Variants in MAGI2 observed in about 807,000 individuals in gnomAD.
MAGI2 encodes membrane associated guanylate kinase, WW and PDZ domain containing 2.
In MAGI2, 35 loss-of-function variants were observed where a neutral mutation model predicts 133.3. That is an observed-to-expected ratio of 0.26 (90% CI 0.20 to 0.35). The LOEUF is 0.35. Ranked by LOEUF, MAGI2 falls within the 10% of genes least tolerant of loss-of-function variation. MAGI2 has a pLI of 1.00. For missense variants in MAGI2, 1,636 were observed against 1,863.4 expected (o/e 0.88, Z 2.25); for synonymous variants, 729 against 710.6 (o/e 1.03, Z -0.41).
At chr7:79,167,954 T>C (rs561641769) in intron 1 of MAGI2, among the ~76,000 whole-genome samples, 1 of 152,208 alleles carries the variant, frequency 6.6e-6, no homozygotes, top group South Asian at 2.1e-4. Context: ...TTAAAGGCGT[T>C]CTTAAACCAC....
rs139314804 is a variant in MAGI2 at position 78,504,659 on chromosome 7, T to A, written c.755-2872A>T. ...AAAATACAAATACACAGACTTTGAG[T>A]TATCTTACTTTGAGAACATATCCTC... On this transcript the variant is annotated intron_variant, in intron 4 of 21. Coordinates refer to ENST00000354212, the MANE Select transcript of MAGI2 (RefSeq NM_012301.4). 1.5e-3 allele frequency among the ~76,000 whole-genome samples: 223 copies of A among 152,230 alleles called. 1 individual carries two copies. Among genetic ancestry groups the A allele is most frequent in the African/African-American group, 5.0e-3 (208 of 41,552 alleles).
intron 2 of MAGI2, among the ~76,000 whole-genome samples, chr7:78,937,334 AC>A (rs796951291): frequency 2.1e-4 from 32 of 152,298 alleles, no homozygotes; most frequent in African/African-American, 7.7e-4. Context: ...AAATCAAGAC[AC>A]CTATTCCTTT....
intron 1 of MAGI2, among the ~76,000 whole-genome samples, chr7:79,304,232 T>TGTGTGTGTGC (rs1186248786): frequency 1.3e-5 from 2 of 150,760 alleles, no homozygotes; most frequent in East Asian, 3.9e-4. Flanking sequence ...TGTGTGTGTG[T>TGTGTGTGTGC]AGATTTCTAG....
At chr7:78,659,424 C>CAAAAAAAAAAAAAA (rs71085553) in intron 2 of MAGI2, among the ~76,000 whole-genome samples, 1 of 23,676 alleles carries the variant, frequency 4.2e-5, no homozygotes, top group Non-Finnish European at 7.0e-5. Context: ...GACTTCATCT[C>CAAAAAAAAAAAAAA]AAAAAAAAAA....
At chr7:79,376,456 G>A (rs1274748261) in intron 1 of MAGI2, among the ~76,000 whole-genome samples, 2 of 151,878 alleles carry the variant, frequency 1.3e-5, no homozygotes, top group African/African-American at 2.4e-5. Flanking sequence ...TTACAACATA[G>A]CATTAGGCTT....
intron 10 of MAGI2, among the ~76,000 whole-genome samples, chr7:78,205,011 A>AACAG (rs1829602847): frequency 6.6e-6 from 1 of 152,270 alleles, no homozygotes; most frequent in Non-Finnish European, 1.5e-5. Context: ...TGGGCAGAGA[A>AACAG]ACAGACACAC....
intron 1 of MAGI2, among the ~76,000 whole-genome samples, chr7:79,390,364 T>C: frequency 6.6e-6 from 1 of 152,160 alleles, no homozygotes; most frequent in Non-Finnish European, 1.5e-5. Context: ...ATTTGGAAAG[T>C]TTTAGAATTT....
chr7:79,193,264 C>T (rs1024673391), intron 1 of MAGI2, among the ~76,000 whole-genome samples: 1 of 151,946 alleles, frequency 6.6e-6, no homozygotes, highest in Non-Finnish European at 1.5e-5. Flanking sequence ...AGTAGCCAAT[C>T]GCTTATGCGG....
At chr7:78,883,104 T>G (rs1242445304) in intron 2 of MAGI2, among the ~76,000 whole-genome samples, 1 of 151,954 alleles carries the variant, frequency 6.6e-6, no homozygotes, top group Non-Finnish European at 1.5e-5. Flanking sequence ...ATGTAGAAAA[T>G]CCTAATGTAT....
At chr7:79,232,106 C>T (rs978626245) in intron 1 of MAGI2, among the ~76,000 whole-genome samples, 13 of 152,136 alleles carry the variant, frequency 8.5e-5, no homozygotes, top group Non-Finnish European at 1.8e-4. Context: ...TACTGATTTG[C>T]GTATATTGAA....
At chr7:78,443,680 A>G (rs13243127) in intron 6 of MAGI2, among the ~76,000 whole-genome samples, 66,548 of 152,038 alleles carry the variant, frequency 0.44, 17,783 homozygotes, top group Non-Finnish European at 0.59. Flanking sequence ...TACATCCATC[A>G]TAAAAACCTC....
At chr7:78,957,281 A>AAG (rs1554311186) in intron 2 of MAGI2, among the ~76,000 whole-genome samples, 10 of 150,238 alleles carry the variant, frequency 6.7e-5, no homozygotes, top group African/African-American at 2.2e-4. Flanking sequence ...AAAAAAAAAA[A>AAG]AAAAGAAAAG....
chr7:78,611,917 A>G (rs535836641), intron 3 of MAGI2, among the ~76,000 whole-genome samples: 5 of 152,328 alleles, frequency 3.3e-5, no homozygotes, highest in South Asian at 4.1e-4. Context: ...GACCACTCCA[A>G]CTACCCCCAG....
At chr7:78,761,550 C>G (rs367721923) in intron 2 of MAGI2, among the ~76,000 whole-genome samples, 29 of 151,324 alleles carry the variant, frequency 1.9e-4, no homozygotes, top group African/African-American at 6.3e-4. Flanking sequence ...ACTGCAACCT[C>G]TGCCTCCTGT....
chr7:79,136,098 AAAG>A (rs1821517913), intron 1 of MAGI2, among the ~76,000 whole-genome samples: 1 of 149,162 alleles, frequency 6.7e-6, no homozygotes, highest in East Asian at 1.9e-4. Context: ...AGAAAGAAAG[AAAG>A]AAAGAAAGAA....
At chr7:79,037,960 C>A (rs1811272612) in intron 1 of MAGI2, among the ~76,000 whole-genome samples, 1 of 152,142 alleles carries the variant, frequency 6.6e-6, no homozygotes, top group Non-Finnish European at 1.5e-5. Flanking sequence ...AATCTAAAGG[C>A]TTGACTTGGT....
rs150947801 is a variant in MAGI2 at position 78,556,233 on chromosome 7, A to G, written c.539-34588T>C. On this transcript the variant is annotated intron_variant, in intron 3 of 21. Transcript: ENST00000354212. The stretch of plus-strand genomic sequence containing the variant: ...GAATCTCAGTGAGATTGAATGACTT[A>G]CAGGGGTCAACTTATGGTTAGGGGC... Among the ~76,000 whole-genome samples, 4 of 152,338 alleles carry G rather than the reference A, an allele frequency of 2.6e-5. No individual in the cohort carries two copies. In the East Asian group the frequency reaches 7.7e-4, roughly 29 times the overall value.
intron 2 of MAGI2, among the ~76,000 whole-genome samples, chr7:78,668,639 A>C (rs2151064845): frequency 6.6e-6 from 1 of 152,134 alleles, no homozygotes; most frequent in East Asian, 1.9e-4. Context: ...AGCACCATTT[A>C]TTAAATAGAG....
intron 9 of MAGI2, among the ~76,000 whole-genome samples, chr7:78,317,043 C>T (rs1430049406): frequency 6.6e-6 from 1 of 152,040 alleles, no homozygotes; most frequent in Non-Finnish European, 1.5e-5. Flanking sequence ...CCAAATGGCA[C>T]AACACATCTA....
Sources: gnomAD v4.1 joint callset for allele counts (sites outside exome capture counted in the v4.1 genomes callset) on GRCh38, gnomAD v4.1.1 for gene constraint, MANE v1.5 for transcripts, NCBI Gene and HGNC (gene_info 2026-07-23, HGNC 2026-07-21) for gene names.